PDE4D: variants seen among roughly 807,000 people sequenced by gnomAD.
The protein encoded by PDE4D is 3',5'-cyclic-AMP phosphodiesterase 4D.
PDE4D carries 24 observed loss-of-function variants against 87.4 expected under a neutral mutation model. The ratio of observed to expected loss-of-function variants is 0.27; its 90% confidence interval spans 0.20 to 0.39. The LOEUF (loss-of-function observed/expected upper bound fraction) is 0.39, where lower values mean the gene tolerates loss of function less well. Among genes scored for constraint, PDE4D ranks in the 10% least tolerant of loss-of-function variants. PDE4D has a pLI of 1.00. For missense variants in PDE4D, 714 were observed against 1,041.0 expected (o/e 0.69, Z 4.32); for synonymous variants, 384 against 383.2 (o/e 1.00, Z -0.02).
chr5:59,141,699 C>T (rs1366375255), intron 5 of PDE4D, among the ~76,000 whole-genome samples: 5 of 152,106 alleles, frequency 3.3e-5, no homozygotes, highest in Admixed American at 2.6e-4. Flanking sequence ...GAGTGGCCCA[C>T]GCTAATGTAT....
chr5:59,180,898 G>A (rs1218719730), intron 4 of PDE4D, among the ~76,000 whole-genome samples: 1 of 152,168 alleles, frequency 6.6e-6, no homozygotes, highest in Non-Finnish European at 1.5e-5. Context: ...TGATGTAAGT[G>A]TCACTGGGAC....
intron 1 of PDE4D, among the ~76,000 whole-genome samples, chr5:60,509,441 A>G: frequency 6.6e-6 from 1 of 152,218 alleles, no homozygotes; most frequent in East Asian, 1.9e-4. Flanking sequence ...TTTTGGGATT[A>G]CAGATAAATT....
At chr5:59,686,731 C>T (rs1749932543) in intron 1 of PDE4D, among the ~76,000 whole-genome samples, 1 of 152,104 alleles carries the variant, frequency 6.6e-6, no homozygotes, top group Non-Finnish European at 1.5e-5. Flanking sequence ...CAGCTTATTT[C>T]TTTCTTCCTA....
chr5:60,011,489 A>C (rs1423284896), intron 2 of PDE4D, among the ~76,000 whole-genome samples: 2 of 152,154 alleles, frequency 1.3e-5, no homozygotes, highest in Non-Finnish European at 2.9e-5. Flanking sequence ...ACACATTTGC[A>C]AAAGTTTTTG....
chr5:59,400,737 A>G (rs1296030107), intron 1 of PDE4D, among the ~76,000 whole-genome samples: 2 of 120,134 alleles, frequency 1.7e-5, no homozygotes, highest in East Asian at 5.2e-4. Context: ...GTATAATAAT[A>G]AAAAAAATAA....
At chr5:59,946,897 G>A (rs1183757945) in intron 3 of PDE4D, among the ~76,000 whole-genome samples, 26 of 152,020 alleles carry the variant, frequency 1.7e-4, no homozygotes, top group Non-Finnish European at 1.5e-4. Flanking sequence ...CTGGTCCATC[G>A]AGAAGTCTCC....
At chr5:59,391,820 A>G (rs1379647009) in intron 1 of PDE4D, among the ~76,000 whole-genome samples, 1 of 151,716 alleles carries the variant, frequency 6.6e-6, no homozygotes. Flanking sequence ...TCCTAACACC[A>G]CTTAAAATTC....
At chr5:59,010,518 TTAAA>T (rs77343458) in intron 6 of PDE4D, among the ~76,000 whole-genome samples, 2,542 of 152,234 alleles carry the variant, frequency 0.017, 38 homozygotes, top group Middle Eastern at 0.044. Context: ...GACCTGATTT[TTAAA>T]TAAATCAAAC....
At chr5:59,293,778 G>C (rs1768516534) in intron 1 of PDE4D, among the ~76,000 whole-genome samples, 1 of 152,100 alleles carries the variant, frequency 6.6e-6, no homozygotes, top group Non-Finnish European at 1.5e-5. Context: ...TAGGCCATTA[G>C]GTCAAATTTC....
chr5:59,590,928 A>T (rs1166013898), intron 1 of PDE4D, among the ~76,000 whole-genome samples: 1 of 152,156 alleles, frequency 6.6e-6, no homozygotes, highest in East Asian at 1.9e-4. Context: ...TCCTTTTCCA[A>T]TAAAACCCTT....
intron 2 of PDE4D, among the ~76,000 whole-genome samples, chr5:59,201,129 G>T (rs953522269): frequency 6.6e-6 from 1 of 151,886 alleles, no homozygotes; most frequent in Admixed American, 6.6e-5. Flanking sequence ...AATCATATGG[G>T]TTTTTCAGAC....
chr5:59,061,086 T>C (rs1763051223), intron 5 of PDE4D, among the ~76,000 whole-genome samples: 1 of 152,166 alleles, frequency 6.6e-6, no homozygotes, highest in African/African-American at 2.4e-5. Context: ...CAAATGTTCA[T>C]ATATTTCTTC....
intron 3 of PDE4D, among the ~76,000 whole-genome samples, chr5:59,908,525 A>G (rs1753091138): frequency 6.6e-6 from 1 of 152,158 alleles, no homozygotes; most frequent in African/African-American, 2.4e-5. Flanking sequence ...TGACTTAGTG[A>G]TGCAAGCTAG....
At chr5:59,052,855 G>C (rs545020677) in intron 5 of PDE4D, among the ~76,000 whole-genome samples, 1 of 152,166 alleles carries the variant, frequency 6.6e-6, no homozygotes, top group African/African-American at 2.4e-5. Context: ...TGGCGGTTCA[G>C]TTCAACTTAA....
intron 1 of PDE4D, among the ~76,000 whole-genome samples, chr5:60,288,211 ATCT>A (rs1395261633): frequency 1.3e-5 from 2 of 152,174 alleles, no homozygotes; most frequent in African/African-American, 4.8e-5. Flanking sequence ...CCTCAGATTC[ATCT>A]TCTTCTTGGA....
chr5:59,127,631 C>G (rs1021698062), intron 5 of PDE4D, among the ~76,000 whole-genome samples: 9 of 143,984 alleles, frequency 6.3e-5, no homozygotes, highest in African/African-American at 2.3e-4. Context: ...CCTCACCCCC[C>G]ACACTCCAGC....
At chr5:60,322,531 C>A (rs1327229767) in intron 1 of PDE4D, among the ~76,000 whole-genome samples, 1 of 152,080 alleles carries the variant, frequency 6.6e-6, no homozygotes, top group Non-Finnish European at 1.5e-5. Context: ...GATATAATTC[C>A]CAGTAGGTGA....
At chr5:59,711,320 C>A (rs578156267) in intron 1 of PDE4D, among the ~76,000 whole-genome samples, 7 of 152,076 alleles carry the variant, frequency 4.6e-5, no homozygotes, top group African/African-American at 1.7e-4. Context: ...TCCCTTAAGT[C>A]TCTTTCCACT....
intron 2 of PDE4D, among the ~76,000 whole-genome samples, chr5:60,109,309 A>G (rs919216640): frequency 2.0e-5 from 3 of 152,216 alleles, no homozygotes; most frequent in Non-Finnish European, 1.5e-5. Context: ...AACCACAATG[A>G]GATACCATCT....
Sources: gnomAD v4.1 joint callset for allele counts (sites outside exome capture counted in the v4.1 genomes callset) on GRCh38, gnomAD v4.1.1 for gene constraint, MANE v1.5 for transcripts, NCBI Gene and HGNC (gene_info 2026-07-23, HGNC 2026-07-21) for gene names.